The following STAT5B variants were observed in gnomAD, a reference collection of about 807,000 sequenced individuals.
The protein encoded by STAT5B is transcription factor STAT5B.
In STAT5B, 21 loss-of-function variants were observed where a neutral mutation model predicts 107.8. That is an observed-to-expected ratio of 0.19 (90% CI 0.14 to 0.28). The LOEUF (loss-of-function observed/expected upper bound fraction) is 0.28. Among genes scored for constraint, STAT5B ranks in the 10% least tolerant of loss-of-function variants. STAT5B has a pLI of 1.00. For synonymous variants in STAT5B, 325 were observed against 401.7 expected (o/e 0.81, Z 2.28); for missense variants, 565 against 1,008.2 (o/e 0.56, Z 5.95).
chr17:42,285,376 G>GTGCTGGGATTCC, the STAT5B span, among the ~76,000 whole-genome samples: 2 of 152,224 alleles, frequency 1.3e-5, no homozygotes, highest in Non-Finnish European at 2.9e-5. Flanking sequence ...ACAGGCGTGA[G>GTGCTGGGATTCC]CCACTGCACC....
intron 1 of STAT5B, among the ~76,000 whole-genome samples, chr17:42,255,110 C>G (rs117877344): frequency 6.6e-6 from 1 of 152,134 alleles, no homozygotes; most frequent in Non-Finnish European, 1.5e-5. Flanking sequence ...AGTTTCTTAA[C>G]TGTCGTTTCT....
chr17:42,248,376 A>G (rs565353679), intron 1 of STAT5B, among the ~76,000 whole-genome samples: 7 of 67,526 alleles, frequency 1.0e-4, no homozygotes, highest in East Asian at 9.4e-4. Flanking sequence ...CCTGCTGGGG[A>G]AAAAAAAAAA....
rs369507540 is a variant in STAT5B, at chr17:42,202,789, G to A, written c.2097C>T (p.Tyr699=). 4.1e-5 allele frequency: 66 copies of A among 1,614,082 alleles called. No individual in the cohort carries two copies. The highest frequency in any genetic ancestry group is 2.7e-4 in the Admixed American group (16 of 60,014). ...CCACTTGCTTGATCTGTGGCTTCAC[G>A]TATCCATCAACAGCTTTAGCTGCCA... ...ESATAKAVDG[Y]VKPQIKQVVP... is the part of the protein sequence containing the mutation. The change falls in exon 17 of 19, where the codon TAC becomes TAT. Residue 699 remains tyrosine, a synonymous_variant. Transcript: ENST00000293328.
intron 1 of STAT5B, among the ~76,000 whole-genome samples, chr17:42,274,306 A>T (rs1029934273): frequency 7.0e-6 from 1 of 142,026 alleles, no homozygotes; most frequent in South Asian, 2.3e-4. Context: ...AAAAAAAAAA[A>T]ACCTCTCCAT....
At chr17:42,254,867 CG>C (rs2080529208) in intron 1 of STAT5B, among the ~76,000 whole-genome samples, 1 of 151,992 alleles carries the variant, frequency 6.6e-6, no homozygotes, top group African/African-American at 2.4e-5. Context: ...CCTAGGCAGG[CG>C]GATCACGAGG....
Position 42,218,271 on chromosome 17 carries a change from G to A in STAT5B, c.1049C>T (p.Ala350Val). The A allele has an allele frequency of 6.2e-7, 1 of 1,614,172 alleles. No individual in the cohort carries two copies. Among genetic ancestry groups the A allele is most frequent in the Non-Finnish European group, 8.5e-7 (1 of 1,180,042 alleles). The change falls in exon 9 of 19, where the codon GCC becomes GTC. Residue 350 changes from alanine to valine, a missense_variant. Physicochemically the swap from Ala to Val is moderately conservative, Grantham distance 64 (BLOSUM62 0). Around this residue, in one of 11 missense-constraint regions of STAT5B, gnomAD observed 48 missense variants for 106.5 expected, o/e 0.45. Transcript: ENST00000293328. ...CCCGCCCACCAGCAGGCGCACAGTG[G>A]CTGCAAACTTGGTCTGGGTCTTCAG... is the stretch of plus-strand genomic sequence containing the variant. ...QVLKTQTKFA[A>V]TVRLLVGGKL...
intron 1 of STAT5B, chr17:42,275,358 A>C (rs1253825859): frequency 6.6e-6 from 1 of 152,144 alleles, no homozygotes; most frequent in East Asian, 1.9e-4. Context: ...TTAGTCTTTA[A>C]AATTCTTGTG....
intron 3 of STAT5B, among the ~76,000 whole-genome samples, chr17:42,226,219 G>A (rs1243272941): frequency 6.6e-6 from 1 of 152,144 alleles, no homozygotes; most frequent in Non-Finnish European, 1.5e-5. Flanking sequence ...ACTGGTGTGA[G>A]CCACTGCACC....
chr17:42,262,879 T>TACAC (rs1466110903), intron 1 of STAT5B, among the ~76,000 whole-genome samples: 11 of 125,292 alleles, frequency 8.8e-5, no homozygotes, highest in African/African-American at 3.4e-4. Flanking sequence ...TGTGTATATA[T>TACAC]ACACATATAT....
chr17:42,249,071 A>C, intron 1 of STAT5B, among the ~76,000 whole-genome samples: 1 of 152,190 alleles, frequency 6.6e-6, no homozygotes, highest in East Asian at 1.9e-4. Context: ...CAGATTTTAT[A>C]CCAATGTCCA....
chr17:42,218,078 G>A, intron 9 of STAT5B, 73 bp downstream of exon 9: 3 of 1,562,382 alleles, frequency 1.9e-6, no homozygotes, highest in East Asian at 2.4e-5. Flanking sequence ...TGACACAGGA[G>A]GCAGAATTCT....
chr17:42,213,324 A>G (rs1184309642), intron 12 of STAT5B, among the ~76,000 whole-genome samples: 1 of 151,990 alleles, frequency 6.6e-6, no homozygotes, highest in Non-Finnish European at 1.5e-5. Context: ...ATCCTACCTC[A>G]GCCTCCCAAA....
In STAT5B at chr17:42,223,437, C is replaced by T; in HGVS notation, c.495G>A (p.Leu165=). 6.2e-7 allele frequency: 1 copy of T among 1,614,180 alleles called. No individual in the cohort carries two copies. The highest frequency in any genetic ancestry group is 1.6e-4 in the Middle Eastern group (1 of 6,062). Residue 165 remains leucine (L), a synonymous_variant, in exon 5 of 19, where the codon CTG becomes CTA. Transcript: ENST00000293328. The part of the protein sequence containing the change: ...TQDTENELKK[L]QQTQEYFIIQ... ...TGATGAAGTACTCCTGAGTCTGCTG[C>T]AGCTTTTTTAACTCATTCTCTGTGT...
intron 16 of STAT5B, among the ~76,000 whole-genome samples, chr17:42,203,393 A>G (rs1252892126): frequency 1.3e-5 from 2 of 152,088 alleles, no homozygotes; most frequent in African/African-American, 4.8e-5. Flanking sequence ...ATCTAAGTCA[A>G]GCACTAATTG....
At chr17:42,215,978 G>A in intron 12 of STAT5B, 36 bp downstream of exon 12, 1 of 1,602,170 alleles carries the variant, frequency 6.2e-7, no homozygotes. Flanking sequence ...CACCGGCATT[G>A]ATTTTGGGAC....
At chr17:42,207,119 T>C (rs1318096703) in intron 16 of STAT5B, among the ~76,000 whole-genome samples, 1 of 152,100 alleles carries the variant, frequency 6.6e-6, no homozygotes, top group Non-Finnish European at 1.5e-5. Context: ...ATGATCCGCC[T>C]GCCTTGGCCT....
intron 12 of STAT5B, among the ~76,000 whole-genome samples, chr17:42,213,636 T>C (rs2080146940): frequency 6.6e-6 from 1 of 151,974 alleles, no homozygotes; most frequent in Non-Finnish European, 1.5e-5. Flanking sequence ...CAAGCAATTC[T>C]CCTGCCTCAG....
Position 42,232,143 on chromosome 17 carries a change from G to T in STAT5B, c.-10-6C>A. 1 of 1,613,446 alleles carries T rather than the reference G, an allele frequency of 6.2e-7. No homozygotes were observed. The highest frequency in any genetic ancestry group is 1.1e-5 in the South Asian group (1 of 90,972). ...ACACAGCCATGGTTTACAATCTGTT[G>T]AACAAACAATCAGTGCTTTGGGCGT... On this transcript the variant is annotated splice_polypyrimidine_tract_variant and splice_region_variant and intron_variant, in intron 1 of 18. Coordinates refer to ENST00000293328, the MANE Select transcript of STAT5B (RefSeq NM_012448.4).
chr17:42,224,974 G>A, intron 3 of STAT5B, 106 bp from the exon 4 acceptor site: 2 of 1,085,078 alleles, frequency 1.8e-6, no homozygotes, highest in African/African-American at 1.6e-5. Context: ...AATCACAGGA[G>A]GCACTGTTCC....
Sources: allele counts gnomAD v4.1 joint callset (sites outside exome capture counted in the v4.1 genomes callset), GRCh38; gene constraint gnomAD v4.1.1; regional missense constraint gnomAD v4.1.1; transcripts MANE v1.5; gene names NCBI Gene and HGNC (gene_info 2026-07-23, HGNC 2026-07-21).